ARHGAP18: variants seen among roughly 807,000 people sequenced by gnomAD.
The protein encoded by ARHGAP18 is rho GTPase-activating protein 18.
Under a neutral mutation model 86.2 loss-of-function variants are expected in ARHGAP18, and 67 were observed. The ratio of observed to expected loss-of-function variants is 0.78; its 90% CI spans 0.64 to 0.95. The LOEUF is 0.95. Ranked by LOEUF, ARHGAP18 falls within the 40% of genes least tolerant of loss-of-function variation. ARHGAP18 has a pLI of 0.00. For missense variants in ARHGAP18, 691 were observed against 780.4 expected, an observed-to-expected ratio of 0.89 and a Z score of 1.37; for synonymous variants, 283 against 280.4, an observed-to-expected ratio of 1.01 and a Z score of -0.09.
chr6:129,688,221 G>T (rs903616050), intron 1 of ARHGAP18, among the ~76,000 whole-genome samples: 2 of 152,186 alleles, frequency 1.3e-5, no homozygotes, highest in Non-Finnish European at 2.9e-5. Context: ...TCTTCAGAAT[G>T]TATTTACCTT....
chr6:129,628,504 G>C (rs1485677398), intron 5 of ARHGAP18, among the ~76,000 whole-genome samples: 1 of 152,108 alleles, frequency 6.6e-6, no homozygotes, highest in African/African-American at 2.4e-5. Flanking sequence ...CATAGGAAAG[G>C]TATCTTTTTA....
At chr6:129,616,441 T>G (rs1471842041) in intron 6 of ARHGAP18, 138 bp from the exon 7 acceptor site, 2 of 656,280 alleles carry the variant, frequency 3.0e-6, no homozygotes, top group Admixed American at 2.8e-5. Flanking sequence ...TGACAGCATC[T>G]CAACATTATA....
At chr6:129,692,175 G>T (rs915710912) in intron 1 of ARHGAP18, among the ~76,000 whole-genome samples, 1 of 152,234 alleles carries the variant, frequency 6.6e-6, no homozygotes, top group Admixed American at 6.5e-5. Context: ...CTAAGTCAAA[G>T]GCTGGGCAGC....
chr6:129,625,158 T>TG (rs376757336), intron 5 of ARHGAP18, among the ~76,000 whole-genome samples: 47,430 of 53,296 alleles, frequency 0.89, 21,689 homozygotes, highest in East Asian at 0.98. Flanking sequence ...ATTATATAGA[T>TG]ATATATTATA....
chr6:129,585,791 C>G (rs943714021), intron 12 of ARHGAP18, among the ~76,000 whole-genome samples: 2 of 152,220 alleles, frequency 1.3e-5, no homozygotes, highest in Admixed American at 1.3e-4. Context: ...ACATATTATG[C>G]TCAATTCAAT....
intron 12 of ARHGAP18, among the ~76,000 whole-genome samples, chr6:129,592,619 G>T (rs936988992): frequency 6.6e-6 from 1 of 152,136 alleles, no homozygotes; most frequent in African/African-American, 2.4e-5. Context: ...GTCAGAAGTG[G>T]TGAGCAGCAT....
intron 7 of ARHGAP18, among the ~76,000 whole-genome samples, chr6:129,615,687 G>A (rs1178736160): frequency 6.6e-6 from 1 of 152,130 alleles, no homozygotes; most frequent in Non-Finnish European, 1.5e-5. Flanking sequence ...GAGGTTGGAC[G>A]GAAATTTTTA....
At chr6:129,674,354 G>C (rs1239588222) in intron 1 of ARHGAP18, among the ~76,000 whole-genome samples, 1 of 152,124 alleles carries the variant, frequency 6.6e-6, no homozygotes, top group Non-Finnish European at 1.5e-5. Flanking sequence ...ATATGAACAT[G>C]GTATCCGTTT....
rs1479730945 is a variant in ARHGAP18 at position 129,668,773 on chromosome 6, G to GT, written c.114-26756dup. On this transcript the variant is annotated intron_variant, in intron 1 of 14. Coordinates refer to ENST00000368149, the MANE Select transcript of ARHGAP18 (RefSeq NM_033515.3). ...CACTCGATCTCTAAACGTCTACCATGTTGTGCACTGCTCTTCTCCAACACT... is the reference window on the plus strand; with the variant it reads ...CACTCGATCTCTAAACGTCTACCATGTTTGTGCACTGCTCTTCTCCAACACT... Among the ~76,000 whole-genome samples the GT allele has an allele frequency of 5.3e-5, 8 of 152,266 alleles. No homozygotes were observed. The East Asian group carries it at 1.5e-3, about 29-fold the overall frequency.
intron 1 of ARHGAP18, among the ~76,000 whole-genome samples, chr6:129,684,334 C>A (rs945689837): frequency 6.6e-6 from 1 of 152,146 alleles, no homozygotes; most frequent in East Asian, 1.9e-4. Flanking sequence ...ATTAACTACA[C>A]AAACTGTTGC....
chr6:129,636,605 G>A (rs139757204), intron 3 of ARHGAP18, among the ~76,000 whole-genome samples: 149 of 152,262 alleles, frequency 9.8e-4, no homozygotes, highest in African/African-American at 3.4e-3. Context: ...GGCCAGGTGC[G>A]GTGGCTCACA....
intron 7 of ARHGAP18, among the ~76,000 whole-genome samples, chr6:129,614,282 T>C (rs964757563): frequency 6.6e-6 from 1 of 152,318 alleles, no homozygotes; most frequent in African/African-American, 2.4e-5. Context: ...AATACAGATA[T>C]GACCTAATTG....
intron 6 of ARHGAP18, among the ~76,000 whole-genome samples, chr6:129,616,643 A>T (rs1789104717): frequency 6.6e-6 from 1 of 152,264 alleles, no homozygotes; most frequent in African/African-American, 2.4e-5. Flanking sequence ...CAAATTAAAA[A>T]TTCTTACTTA....
chr6:129,615,863 G>A (rs1789086881), intron 7 of ARHGAP18, among the ~76,000 whole-genome samples: 1 of 152,128 alleles, frequency 6.6e-6, no homozygotes. Context: ...GAAAAGCTGA[G>A]GAAATATACA....
In ARHGAP18 at chr6:129,684,273, C is replaced by T. The variant is rs552383868; in HGVS notation, c.113+25751G>A. ...CTCCAGCAAAAATGCATGTGCAAAACGTTCTGTATTCAGTACCCTAGTTAA... is the reference window on the plus strand; with the variant it reads ...CTCCAGCAAAAATGCATGTGCAAAATGTTCTGTATTCAGTACCCTAGTTAA... On this transcript the variant is annotated intron_variant, in intron 1 of 14. Coordinates refer to ENST00000368149, the MANE Select transcript of ARHGAP18 (RefSeq NM_033515.3). Among the ~76,000 whole-genome samples, 7 of 152,316 alleles carry T rather than the reference C, an allele frequency of 4.6e-5. No homozygotes were observed. The South Asian group carries it at 1.2e-3, about 27-fold the overall frequency.
At chr6:129,595,954 C>G (rs1372426484) in intron 12 of ARHGAP18, among the ~76,000 whole-genome samples, 1 of 152,104 alleles carries the variant, frequency 6.6e-6, no homozygotes, top group Non-Finnish European at 1.5e-5. Context: ...AAAACAAAAT[C>G]CAGAATCCAA....
intron 2 of ARHGAP18, 119 bp from the exon 3 acceptor site, chr6:129,638,748 A>C: frequency 1.1e-6 from 1 of 895,268 alleles, no homozygotes; most frequent in South Asian, 1.6e-5. Flanking sequence ...AGTGCTAAGA[A>C]TCATTATCTA....
intron 1 of ARHGAP18, among the ~76,000 whole-genome samples, chr6:129,693,771 C>G (rs1262985685): frequency 1.3e-5 from 2 of 151,894 alleles, no homozygotes; most frequent in African/African-American, 4.8e-5. Context: ...TTTCATGTAC[C>G]TGAGTTTTAA....
intron 1 of ARHGAP18, among the ~76,000 whole-genome samples, chr6:129,668,302 T>C (rs941159710): frequency 9.9e-5 from 15 of 150,786 alleles, no homozygotes; most frequent in African/African-American, 3.2e-4. Context: ...GGAGCACATG[T>C]GCAATATAAA....
Sources: allele counts gnomAD v4.1 joint callset (sites outside exome capture counted in the v4.1 genomes callset), GRCh38; gene constraint gnomAD v4.1.1; transcripts MANE v1.5; gene names NCBI Gene and HGNC (gene_info 2026-07-23, HGNC 2026-07-21).